CLINT1: variants seen among roughly 807,000 people sequenced by gnomAD.
CLINT1 encodes the protein clathrin interacting protein localized in the trans-Golgi region.
A neutral mutation model predicts 70.4 loss-of-function variants in CLINT1; 15 were observed. The ratio of observed to expected loss-of-function variants is 0.21; its 90% CI spans 0.14 to 0.33. The LOEUF (loss-of-function observed/expected upper bound fraction) is 0.33, where lower values mean the gene tolerates loss of function less well. Among genes scored for constraint, CLINT1 ranks in the 10% least tolerant of loss-of-function variants. CLINT1 has a pLI of 1.00. For missense variants in CLINT1, 615 were observed against 778.1 expected (o/e 0.79, Z 2.49); for synonymous variants, 227 against 254.7 (o/e 0.89, Z 1.04).
At position 157,805,963 on chromosome 5, in the gene CLINT1, G is replaced by C. The variant is rs774472127; in HGVS notation, c.845C>G (p.Ser282Cys). The C allele has an allele frequency of 6.2e-7, 1 of 1,613,908 alleles. No individual in the cohort carries two copies. Among genetic ancestry groups the C allele is most frequent in the South Asian group, 1.1e-5 (1 of 91,060 alleles). The change falls in exon 7 of 12, where the codon TCC becomes TGC. Residue 282 changes from serine to cysteine, a missense_variant. Coordinates refer to ENST00000411809, the MANE Select transcript of CLINT1 (RefSeq NM_014666.4). ...TGCTGCTCCAAGATCAATGGTTTTG[G>C]AAGGATTTGCTGTGCGCTTGTGTCT... Reference protein sequence around the residue: ...TTRHKRTANPSKTIDLGAAAH... With the variant: ...TTRHKRTANPCKTIDLGAAAH...
intron 1 of CLINT1, among the ~76,000 whole-genome samples, chr5:157,821,350 T>G (rs924610002): frequency 6.6e-6 from 1 of 151,690 alleles, no homozygotes; most frequent in Non-Finnish European, 1.5e-5. Context: ...CAGATTTTTA[T>G]CTGTATTTAA....
intron 1 of CLINT1, among the ~76,000 whole-genome samples, chr5:157,817,930 T>A (rs1480830111): frequency 1.3e-5 from 2 of 152,230 alleles, no homozygotes; most frequent in African/African-American, 4.8e-5. Flanking sequence ...CAGGCTTATG[T>A]TTCCTGCTTA....
At chr5:157,791,478 A>G (rs534011302) in intron 10 of CLINT1, 2 of 526,096 alleles carry the variant, frequency 3.8e-6, no homozygotes, top group South Asian at 5.1e-5. Context: ...CAGTGACTAC[A>G]AGATGGGGGA....
chr5:157,821,682 AG>A (rs976721089), intron 1 of CLINT1, among the ~76,000 whole-genome samples: 1 of 152,228 alleles, frequency 6.6e-6, no homozygotes, highest in Non-Finnish European at 1.5e-5. Context: ...TGATAAAGAT[AG>A]GTAATTACTA....
At chr5:157,832,173 C>A (rs975461161) in intron 1 of CLINT1, among the ~76,000 whole-genome samples, 1 of 151,412 alleles carries the variant, frequency 6.6e-6, no homozygotes, top group Admixed American at 6.6e-5. Flanking sequence ...AGTAGAAATG[C>A]GGTTTTGCCA....
chr5:157,796,971 C>T (rs895952876), intron 8 of CLINT1, among the ~76,000 whole-genome samples: 1 of 152,014 alleles, frequency 6.6e-6, no homozygotes, highest in African/African-American at 2.4e-5. Flanking sequence ...ATCTACACTA[C>T]AGCTTAGTCT....
chr5:157,850,297 G>T (rs1486870817), intron 1 of CLINT1, among the ~76,000 whole-genome samples: 2 of 152,052 alleles, frequency 1.3e-5, no homozygotes, highest in African/African-American at 4.8e-5. Flanking sequence ...ATTCAGTACC[G>T]AACTTATAAG....
At chr5:157,851,152 A>G (rs535090788) in intron 1 of CLINT1, among the ~76,000 whole-genome samples, 101 of 152,234 alleles carry the variant, frequency 6.6e-4, no homozygotes, top group African/African-American at 2.3e-3. Flanking sequence ...ACAAACAAAC[A>G]AACAAAAAAC....
At chr5:157,815,262 T>G (rs148404442) in intron 3 of CLINT1, among the ~76,000 whole-genome samples, 2,712 of 152,122 alleles carry the variant, frequency 0.018, 34 homozygotes, top group Non-Finnish European at 0.027. Context: ...GGCATGCCAC[T>G]GCATTCTGGC....
intron 6 of CLINT1, chr5:157,809,072 C>A (rs1469012509): frequency 2.6e-5 from 4 of 152,048 alleles, no homozygotes; most frequent in African/African-American, 9.7e-5. Context: ...TAGTGTATAA[C>A]CTAGTATCTT....
chr5:157,839,820 G>A (rs1289226896), intron 1 of CLINT1, among the ~76,000 whole-genome samples: 2 of 151,790 alleles, frequency 1.3e-5, no homozygotes. Flanking sequence ...ACCACTAAGT[G>A]GAACCAAAAC....
chr5:157,821,773 C>T (rs1410041454), intron 1 of CLINT1, among the ~76,000 whole-genome samples: 4 of 152,058 alleles, frequency 2.6e-5, no homozygotes, highest in Admixed American at 6.5e-5. Flanking sequence ...CAAATCTTAA[C>T]GGACTCTAAT....
chr5:157,855,140 C>CT (rs1753711316), intron 1 of CLINT1, among the ~76,000 whole-genome samples: 1 of 62,274 alleles, frequency 1.6e-5, no homozygotes, highest in Non-Finnish European at 3.0e-5. Context: ...TGAACTGTCT[C>CT]CGAAAAAAAA....
rs565863794 is a variant in CLINT1, at chr5:157,785,918, G to A, written c.*1728C>T. The A allele has an allele frequency of 3.9e-4, 60 of 152,248 alleles. No homozygotes were observed. The highest frequency in any genetic ancestry group is 3.4e-3 in the Middle Eastern group (1 of 294). The allele number at this position is 152,248 out of a possible 1,614,324, so 9.4% of individuals were successfully genotyped here. ...TGCTCTGAAGTAACAACACTTGAAAGCTCCTATTCTTTGAAACTAAGTTAA... is the reference window on the plus strand; with the variant it reads ...TGCTCTGAAGTAACAACACTTGAAAACTCCTATTCTTTGAAACTAAGTTAA... On this transcript the variant is annotated 3_prime_UTR_variant, in exon 12 of 12. Coordinates refer to ENST00000411809, the MANE Select transcript of CLINT1 (RefSeq NM_014666.4).
At chr5:157,789,971 TGG>T (rs1311034801) in intron 10 of CLINT1, 1 of 182,590 alleles carries the variant, frequency 5.5e-6, no homozygotes, top group African/African-American at 2.4e-5. Flanking sequence ...GAGGCTGAGG[TGG>T]GCAGATCACC....
At chr5:157,843,970 A>G (rs954463435) in intron 1 of CLINT1, among the ~76,000 whole-genome samples, 1 of 152,096 alleles carries the variant, frequency 6.6e-6, no homozygotes, top group Non-Finnish European at 1.5e-5. Flanking sequence ...AAAGTATATA[A>G]CTGTAAAAAA....
At chr5:157,831,275 C>T (rs1763236347) in intron 1 of CLINT1, among the ~76,000 whole-genome samples, 1 of 151,708 alleles carries the variant, frequency 6.6e-6, no homozygotes, top group Admixed American at 6.6e-5. Flanking sequence ...GCAACCTCCG[C>T]CTCCCAGGTT....
intron 2 of CLINT1, among the ~76,000 whole-genome samples, chr5:157,817,074 T>C (rs1440697214): frequency 6.6e-6 from 1 of 152,142 alleles, no homozygotes; most frequent in Non-Finnish European, 1.5e-5. Flanking sequence ...AATTAATTAA[T>C]ATACTTTGCA....
At chr5:157,845,538 A>ATTAAGCAT (rs1199790330) in intron 1 of CLINT1, among the ~76,000 whole-genome samples, 8 of 150,766 alleles carry the variant, frequency 5.3e-5, no homozygotes, top group Admixed American at 4.6e-4. Flanking sequence ...GCAACCTTGC[A>ATTAAGCAT]TTAAGCATTT....
Sources: allele counts gnomAD v4.1 joint callset (sites outside exome capture counted in the v4.1 genomes callset), GRCh38; gene constraint gnomAD v4.1.1; transcripts MANE v1.5; gene names NCBI Gene and HGNC (gene_info 2026-07-23, HGNC 2026-07-21).